Variants in RIT2 observed in about 807,000 individuals in gnomAD.
RIT2 encodes the protein GTP-binding protein Rit2.
A neutral mutation model predicts 23.7 loss-of-function variants in RIT2; 24 were observed. That is an observed-to-expected ratio of 1.01 (90% CI 0.73 to 1.43). The LOEUF (loss-of-function observed/expected upper bound fraction) is 1.43. Among genes scored for constraint, RIT2 ranks in the 40% most tolerant of loss-of-function variants. RIT2 has a pLI of 0.00. For synonymous variants in RIT2, 107 were observed against 91.1 expected (o/e 1.17, Z -0.99); for missense variants, 236 against 266.9 (o/e 0.88, Z 0.81).
At chr18:42,748,399 T>C (rs1242971869) in intron 4 of RIT2, among the ~76,000 whole-genome samples, 2 of 151,712 alleles carry the variant, frequency 1.3e-5, no homozygotes, top group African/African-American at 4.8e-5. Flanking sequence ...ACCACCTTAC[T>C]CCTGCACGAA....
chr18:42,993,703 T>A (rs1220751245), intron 2 of RIT2, among the ~76,000 whole-genome samples: 1 of 151,988 alleles, frequency 6.6e-6, no homozygotes, highest in African/African-American at 2.4e-5. Context: ...CCACACCTCA[T>A]TGCCACCTTT....
intron 4 of RIT2, among the ~76,000 whole-genome samples, chr18:42,871,466 A>G (rs1212101603): frequency 1.3e-5 from 2 of 152,208 alleles, no homozygotes; most frequent in Admixed American, 1.3e-4. Context: ...ATACAAAAAT[A>G]AAACAACCAT....
At chr18:42,845,534 G>A (rs559314406) in intron 4 of RIT2, among the ~76,000 whole-genome samples, 20 of 150,164 alleles carry the variant, frequency 1.3e-4, no homozygotes, top group East Asian at 3.9e-4. Context: ...TATACATTGC[G>A]CCCAATAACT....
At chr18:43,099,451 A>AT (rs1383583802) in intron 1 of RIT2, among the ~76,000 whole-genome samples, 1 of 152,062 alleles carries the variant, frequency 6.6e-6, no homozygotes, top group Admixed American at 6.6e-5. Flanking sequence ...ACTGTCAGTC[A>AT]TTTTATTAAT....
At chr18:42,966,884 G>A (rs931996275) in intron 3 of RIT2, among the ~76,000 whole-genome samples, 4 of 151,870 alleles carry the variant, frequency 2.6e-5, no homozygotes, top group Non-Finnish European at 5.9e-5. Context: ...ATTCTTAACT[G>A]TGCCTCTGCT....
At chr18:43,111,103 A>G (rs1913941829) in intron 1 of RIT2, among the ~76,000 whole-genome samples, 1 of 152,190 alleles carries the variant, frequency 6.6e-6, no homozygotes, top group Non-Finnish European at 1.5e-5. Flanking sequence ...TACACAATGG[A>G]ATACTATTCA....
chr18:42,821,966 A>C (rs1438820236), intron 4 of RIT2, among the ~76,000 whole-genome samples: 2 of 152,166 alleles, frequency 1.3e-5, no homozygotes, highest in Non-Finnish European at 2.9e-5. Context: ...AATGGGAGGA[A>C]GGAGAGGGAG....
At chr18:42,774,281 TC>T (rs897121742) in intron 4 of RIT2, among the ~76,000 whole-genome samples, 4 of 152,092 alleles carry the variant, frequency 2.6e-5, no homozygotes, top group Admixed American at 1.3e-4. Flanking sequence ...CATTGCTTTT[TC>T]CCCCACTCTC....
intron 3 of RIT2, among the ~76,000 whole-genome samples, chr18:42,946,193 T>A (rs569123099): frequency 1.3e-5 from 2 of 152,124 alleles, no homozygotes; most frequent in African/African-American, 2.4e-5. Context: ...ACGACATTTT[T>A]ATTTAAAAAG....
At chr18:42,786,077 G>T (rs1913915860) in intron 4 of RIT2, among the ~76,000 whole-genome samples, 1 of 152,142 alleles carries the variant, frequency 6.6e-6, no homozygotes, top group Non-Finnish European at 1.5e-5. Context: ...GAAAAAGTGA[G>T]GTGAATGGCT....
chr18:42,962,394 C>T (rs1372534402), intron 3 of RIT2, among the ~76,000 whole-genome samples: 1 of 152,088 alleles, frequency 6.6e-6, no homozygotes, highest in Non-Finnish European at 1.5e-5. Context: ...TAAAATATTG[C>T]TGATGAAAAT....
intron 1 of RIT2, among the ~76,000 whole-genome samples, chr18:43,086,399 A>G (rs576255125): frequency 6.6e-6 from 1 of 152,324 alleles, no homozygotes; most frequent in South Asian, 2.1e-4. Context: ...CATGCAACCT[A>G]CCAAGACTGA....
chr18:42,806,772 A>C (rs2143969467), intron 4 of RIT2, among the ~76,000 whole-genome samples: 1 of 152,346 alleles, frequency 6.6e-6, no homozygotes, highest in African/African-American at 2.4e-5. Context: ...ATTAGACTAA[A>C]TTTGCTTGAC....
At chr18:43,090,304 A>C (rs1272000895) in intron 1 of RIT2, among the ~76,000 whole-genome samples, 1 of 152,218 alleles carries the variant, frequency 6.6e-6, no homozygotes, top group South Asian at 2.1e-4. Context: ...AGAAATGCAA[A>C]TCAAAATCAC....
chr18:43,098,329 G>A (rs937611695), intron 1 of RIT2, among the ~76,000 whole-genome samples: 2 of 151,856 alleles, frequency 1.3e-5, no homozygotes, highest in African/African-American at 4.8e-5. Context: ...AGAACCAGGG[G>A]TTTAGAAATC....
intron 2 of RIT2, among the ~76,000 whole-genome samples, chr18:42,998,818 C>G (rs1445640290): frequency 2.0e-5 from 3 of 152,022 alleles, no homozygotes; most frequent in East Asian, 3.9e-4. Flanking sequence ...CCTCTTCATT[C>G]TTTTGCAGGG....
At chr18:42,799,466 C>G (rs1905464836) in intron 4 of RIT2, among the ~76,000 whole-genome samples, 1 of 152,216 alleles carries the variant, frequency 6.6e-6, no homozygotes, top group African/African-American at 2.4e-5. Flanking sequence ...ATAGCCCAAG[C>G]TACCAATATT....
intron 2 of RIT2, among the ~76,000 whole-genome samples, chr18:42,988,882 G>T (rs1374905941): frequency 2.6e-5 from 4 of 152,204 alleles, no homozygotes; most frequent in Non-Finnish European, 5.9e-5. Context: ...CTGAGGACCA[G>T]AAAGGACCAC....
chr18:42,788,099 GA>G (rs1286126785), intron 4 of RIT2, among the ~76,000 whole-genome samples: 1 of 151,590 alleles, frequency 6.6e-6, no homozygotes, highest in African/African-American at 2.4e-5. Context: ...AATAACTTTT[GA>G]AAAAAGTAAT....
Sources: gnomAD v4.1 joint callset for allele counts (sites outside exome capture counted in the v4.1 genomes callset) on GRCh38, gnomAD v4.1.1 for gene constraint, MANE v1.5 for transcripts, NCBI Gene and HGNC (gene_info 2026-07-23, HGNC 2026-07-21) for gene names.